LRP2: variants seen among roughly 807,000 people sequenced by gnomAD.
LRP2 encodes the protein LDL receptor related protein 2.
LRP2 carries 172 observed loss-of-function variants against 531.0 expected under a neutral mutation model. The ratio of observed to expected loss-of-function variants is 0.32; its 90% confidence interval spans 0.29 to 0.37. The LOEUF (loss-of-function observed/expected upper bound fraction) is 0.37. Ranked by LOEUF, LRP2 falls within the 10% of genes least tolerant of loss-of-function variation. LRP2 has a pLI of 1.00. For synonymous variants in LRP2, 1,992 were observed against 2,027.6 expected, an observed-to-expected ratio of 0.98 and a Z score of 0.47; for missense variants, 5,167 against 5,868.3, an observed-to-expected ratio of 0.88 and a Z score of 3.90.
chr2:169,221,657 CGTGTGCACGT>C (rs1689005985), intron 33 of LRP2, among the ~76,000 whole-genome samples: 1 of 152,182 alleles, frequency 6.6e-6, no homozygotes, highest in Non-Finnish European at 1.5e-5. Context: ...CTCATACATG[CGTGTGCACGT>C]GTGTGCACGC....
chr2:169,247,526 A>C lies in LRP2; in HGVS notation c.2771-11T>G, dbSNP rs762800059. 1 of 1,614,084 alleles carries C rather than the reference A, an allele frequency of 6.2e-7. No individual in the cohort carries two copies. The highest frequency in any genetic ancestry group is 1.7e-5 in the Admixed American group (1 of 60,034). ...TAAAAAATAAATGCTCTGAAAAGAAACATGGGTAGATTAGTATTTTCAGTC... is the reference window on the plus strand; with the variant it reads ...TAAAAAATAAATGCTCTGAAAAGAACCATGGGTAGATTAGTATTTTCAGTC... On this transcript the variant is annotated splice_polypyrimidine_tract_variant and intron_variant, in intron 19 of 78. Transcript: ENST00000649046.
rs1463198790 is a variant in LRP2 at position 169,326,341 on chromosome 2, G to A, written c.80-5457C>T. On this transcript the variant is annotated intron_variant, in intron 1 of 78. Coordinates refer to ENST00000649046, the MANE Select transcript of LRP2 (RefSeq NM_004525.3). ...CCTGATTCTCCTGCCTCAGCCTGCC[G>A]AGTGCCTGCGATTGCAGGCGCGCGC... Among the ~76,000 whole-genome samples, 10 of 151,538 alleles carry A rather than the reference G, an allele frequency of 6.6e-5. No homozygotes were observed. The East Asian group carries it at 1.2e-3, about 18-fold the overall frequency.
chr2:169,286,241 G>A (rs968163654), intron 9 of LRP2, among the ~76,000 whole-genome samples: 1 of 152,220 alleles, frequency 6.6e-6, no homozygotes, highest in East Asian at 1.9e-4. Flanking sequence ...CAGGTGGCAG[G>A]AGGCCTCATA....
chr2:169,222,045 G>T (rs1206440283), intron 33 of LRP2, among the ~76,000 whole-genome samples: 1 of 152,054 alleles, frequency 6.6e-6, no homozygotes, highest in Non-Finnish European at 1.5e-5. Flanking sequence ...AGTTAAACAC[G>T]AACTACTCTT....
chr2:169,151,690 C>A (rs565969078), intron 67 of LRP2, among the ~76,000 whole-genome samples: 1 of 152,290 alleles, frequency 6.6e-6, no homozygotes, highest in South Asian at 2.1e-4. Context: ...TTTCTTAATT[C>A]TCTTATTCAT....
At chr2:169,283,908 G>A (rs1403687616) in intron 9 of LRP2, among the ~76,000 whole-genome samples, 1 of 152,092 alleles carries the variant, frequency 6.6e-6, no homozygotes, top group East Asian at 1.9e-4. Context: ...CTTTCTTAAA[G>A]ACTATAAGGC....
At chr2:169,314,279 C>A (rs535934045) in intron 3 of LRP2, among the ~76,000 whole-genome samples, 23 of 151,826 alleles carry the variant, frequency 1.5e-4, no homozygotes, top group Non-Finnish European at 3.4e-4. Flanking sequence ...GGCTCACTTC[C>A]AAGTAGCTGT....
chr2:169,286,422 A>G (rs552854119), intron 9 of LRP2, among the ~76,000 whole-genome samples: 6 of 152,356 alleles, frequency 3.9e-5, no homozygotes, highest in African/African-American at 1.2e-4. Flanking sequence ...TAATTGTGGT[A>G]TCTTCTCTGA....
In LRP2 at chr2:169,148,717, G is replaced by GA. The variant is rs1327288741; in HGVS notation, c.12591-1759dup. On this transcript the variant is annotated intron_variant, in intron 68 of 78. Coordinates refer to ENST00000649046, the MANE Select transcript of LRP2 (RefSeq NM_004525.3). The stretch of plus-strand genomic sequence containing the variant: ...AAAACAAAACGTAGGGAATGGAATG[G>GA]AAAAAACACACAAAAGGTACACAGA... 2.0e-5 allele frequency among the ~76,000 whole-genome samples: 3 copies of GA among 152,042 alleles called. No individual in the cohort carries two copies. In the East Asian group the frequency reaches 5.8e-4, roughly 29 times the overall value.
chr2:169,231,799 C>T lies in LRP2; in HGVS notation c.5142G>A (p.Leu1714=), dbSNP rs748677866. ...CAFSRCSHLC[L]LSSQGPHFYS... ...AAAAATGAGGCCCCTGTGAGGAAAGCAGGCAGAGATGGCTGCAGCGGGAAA... is the reference window on the plus strand; with the variant it reads ...AAAAATGAGGCCCCTGTGAGGAAAGTAGGCAGAGATGGCTGCAGCGGGAAA... The change falls in exon 31 of 79, where the codon CTG becomes CTA. Residue 1714 remains leucine, a synonymous_variant. Transcript: ENST00000649046. 6.2e-7 allele frequency: 1 copy of T among 1,613,904 alleles called. No homozygotes were observed. Among genetic ancestry groups the T allele is most frequent in the Non-Finnish European group, 8.5e-7 (1 of 1,179,992 alleles).
chr2:169,225,754 C>A (rs1689180137), intron 32 of LRP2, among the ~76,000 whole-genome samples: 1 of 152,128 alleles, frequency 6.6e-6, no homozygotes, highest in Non-Finnish European at 1.5e-5. Flanking sequence ...GATCAGAAGA[C>A]CAGGAGTATA....
rs1215964733 is a variant in LRP2, at chr2:169,145,931, C to T, written c.12812-8G>A. The T allele has an allele frequency of 1.9e-6, 3 of 1,613,730 alleles. No individual in the cohort carries two copies. Among genetic ancestry groups the T allele is most frequent in the African/African-American group, 2.7e-5 (2 of 74,902 alleles). On this transcript the variant is annotated splice_polypyrimidine_tract_variant and splice_region_variant and intron_variant, in intron 69 of 78. Transcript: ENST00000649046. ...GGCTGTAAGGGTTCATTGCTGCTTA[C>T]CCACAGGGGAAAAACAAAACAGAAG...
intron 40 of LRP2, among the ~76,000 whole-genome samples, 190 bp from the exon 41 acceptor site, chr2:169,205,827 A>G (rs768021700): frequency 3.3e-5 from 5 of 152,128 alleles, no homozygotes; most frequent in Non-Finnish European, 5.9e-5. Flanking sequence ...TATGTTGCCA[A>G]CCTTTCTGCC....
intron 14 of LRP2, 124 bp downstream of exon 14, chr2:169,274,912 C>T: frequency 1.1e-6 from 1 of 911,326 alleles, no homozygotes; most frequent in Non-Finnish European, 1.8e-6. Context: ...CTGGGTAACC[C>T]TTCATATACT....
intron 44 of LRP2, 42 bp downstream of exon 44, chr2:169,201,586 C>A: frequency 1.2e-6 from 2 of 1,613,660 alleles, no homozygotes; most frequent in Non-Finnish European, 1.7e-6. Flanking sequence ...TGATCCAAGA[C>A]TTCAGACCCA....
chr2:169,238,172 T>C lies in LRP2; in HGVS notation c.4425A>G (p.Ser1475=). 1 of 1,614,148 alleles carries C rather than the reference T, an allele frequency of 6.2e-7. No homozygotes were observed. The highest frequency in any genetic ancestry group is 8.5e-7 in the Non-Finnish European group (1 of 1,179,996). ...GSYIVAVDFD[S]ISGRIFWSDA... ...CAGACCAAAAGATACGACCACTAAT[T>C]GAATCAAAATCAACAGCTACAATGT... Residue 1475 remains serine, a synonymous_variant, in exon 27 of 79, where the codon TCA becomes TCG. Transcript: ENST00000649046.
rs946062287 is a variant in LRP2 at position 169,207,072 on chromosome 2, C to T, written c.6648G>A (p.Glu2216=). Residue 2216 remains glutamate (E), a synonymous_variant, in exon 39 of 79, where the codon GAG becomes GAA. Coordinates refer to ENST00000649046, the MANE Select transcript of LRP2 (RefSeq NM_004525.3). ...WADYGQRPKI[E]RSFLDCTNRT... ...GATTGGTACAGTCAAGGAAAGAACG[C>T]TCAATCTTTGGTCTCTGCCCATAGT... 10 of 1,613,596 alleles carry T rather than the reference C, an allele frequency of 6.2e-6. No individual in the cohort carries two copies. Among genetic ancestry groups the T allele is most frequent in the Admixed American group, 5.0e-5 (3 of 59,982 alleles).
At chr2:169,155,102 G>A (rs1396370751) in intron 65 of LRP2, among the ~76,000 whole-genome samples, 1 of 152,148 alleles carries the variant, frequency 6.6e-6, no homozygotes, top group Non-Finnish European at 1.5e-5. Context: ...CCTAGCTAAT[G>A]ACAAAATAAA....
intron 69 of LRP2, 58 bp downstream of exon 69, chr2:169,146,681 G>T: frequency 7.1e-7 from 1 of 1,402,500 alleles, no homozygotes; most frequent in Non-Finnish European, 9.9e-7. Flanking sequence ...AACAGGCAAA[G>T]ACATTAGAAA....
Sources: allele counts gnomAD v4.1 joint callset (sites outside exome capture counted in the v4.1 genomes callset), GRCh38; gene constraint gnomAD v4.1.1; transcripts MANE v1.5; gene names NCBI Gene and HGNC (gene_info 2026-07-23, HGNC 2026-07-21).